PPM1H: variants seen among roughly 807,000 people sequenced by gnomAD.
PPM1H encodes protein phosphatase 1H.
In PPM1H, 27 loss-of-function variants were observed where a neutral mutation model predicts 54.9. That is an observed-to-expected ratio of 0.49 (90% CI 0.36 to 0.68). The LOEUF is 0.68. Ranked by LOEUF, PPM1H falls within the 30% of genes least tolerant of loss-of-function variation. The pLI is 0.00. For synonymous variants in PPM1H, 305 were observed against 270.8 expected (o/e 1.13, Z -1.24); for missense variants, 596 against 667.8 (o/e 0.89, Z 1.19).
chr12:62,861,814 A>G (rs996650495), intron 1 of PPM1H, among the ~76,000 whole-genome samples: 2 of 152,168 alleles, frequency 1.3e-5, no homozygotes, highest in Non-Finnish European at 2.9e-5. Flanking sequence ...TGTCCCTTCT[A>G]AAGGGGCAGC....
At chr12:62,666,208 G>T (rs1289336279) in intron 9 of PPM1H, among the ~76,000 whole-genome samples, 1 of 152,088 alleles carries the variant, frequency 6.6e-6, no homozygotes, top group Non-Finnish European at 1.5e-5. Context: ...CTCTCAAGCA[G>T]CTGAGACTAC....
At chr12:62,659,204 G>C in intron 9 of PPM1H, 1 of 641,728 alleles carries the variant, frequency 1.6e-6, no homozygotes, top group South Asian at 1.4e-5. Flanking sequence ...ATGCCAGGCT[G>C]TGCAGCGAAG....
At chr12:62,833,420 C>T (rs533063612) in intron 1 of PPM1H, among the ~76,000 whole-genome samples, 2 of 152,188 alleles carry the variant, frequency 1.3e-5, no homozygotes, top group South Asian at 4.2e-4. Flanking sequence ...AGTACAGAGT[C>T]CCATGTAGCT....
intron 1 of PPM1H, among the ~76,000 whole-genome samples, chr12:62,868,688 T>G (rs1869869909): frequency 6.6e-6 from 1 of 152,180 alleles, no homozygotes; most frequent in African/African-American, 2.4e-5. Context: ...GATGCATAAC[T>G]TGAGATACGG....
At chr12:62,899,349 C>G (rs1871089481) in intron 1 of PPM1H, among the ~76,000 whole-genome samples, 2 of 151,876 alleles carry the variant, frequency 1.3e-5, no homozygotes, top group Non-Finnish European at 2.9e-5. Flanking sequence ...GGTGGGAGGA[C>G]CACTTGAGGC....
chr12:62,784,096 T>A (rs2076657433), intron 4 of PPM1H, among the ~76,000 whole-genome samples: 1 of 152,168 alleles, frequency 6.6e-6, no homozygotes. Flanking sequence ...CCCTAGGTGT[T>A]GAGTTGGCTG....
At chr12:62,790,500 A>G (rs2076696216) in intron 3 of PPM1H, among the ~76,000 whole-genome samples, 1 of 152,212 alleles carries the variant, frequency 6.6e-6, no homozygotes, top group Non-Finnish European at 1.5e-5. Flanking sequence ...TGAGCCCAGG[A>G]GTTCGAGGCT....
chr12:62,821,965 T>C (rs535329992), intron 2 of PPM1H, among the ~76,000 whole-genome samples: 10 of 152,206 alleles, frequency 6.6e-5, no homozygotes, highest in South Asian at 6.2e-4. Flanking sequence ...ACTGGCAAAC[T>C]GGATAAAGAG....
intron 2 of PPM1H, among the ~76,000 whole-genome samples, chr12:62,831,776 C>T (rs11174683): frequency 6.8e-6 from 1 of 146,646 alleles, no homozygotes; most frequent in Admixed American, 6.8e-5. Context: ...TATATACACA[C>T]ATATATATAC....
chr12:62,764,596 A>G (rs115491894), intron 4 of PPM1H, among the ~76,000 whole-genome samples: 76 of 151,278 alleles, frequency 5.0e-4, no homozygotes, highest in African/African-American at 1.8e-3. Context: ...TTCCTCTCCC[A>G]TTTTGTTTTT....
chr12:62,812,440 C>T (rs534632898), intron 2 of PPM1H, among the ~76,000 whole-genome samples: 1 of 152,296 alleles, frequency 6.6e-6, no homozygotes, highest in African/African-American at 2.4e-5. Flanking sequence ...CAAGCCCCTT[C>T]CTGACTTACC....
chr12:62,918,628 T>C (rs2092203616), intron 1 of PPM1H, among the ~76,000 whole-genome samples: 1 of 152,228 alleles, frequency 6.6e-6, no homozygotes, highest in African/African-American at 2.4e-5. Flanking sequence ...AATGTCACTT[T>C]TCAAATTATA....
chr12:62,919,174 A>G (rs1441119065), intron 1 of PPM1H, among the ~76,000 whole-genome samples: 1 of 152,256 alleles, frequency 6.6e-6, no homozygotes, highest in African/African-American at 2.4e-5. Context: ...GGAAAGCAAG[A>G]AAATAAAACT....
intron 4 of PPM1H, among the ~76,000 whole-genome samples, chr12:62,757,681 T>C (rs1247169542): frequency 6.6e-6 from 1 of 152,194 alleles, no homozygotes; most frequent in Non-Finnish European, 1.5e-5. Context: ...GAAAGGCACT[T>C]CCTACCATAA....
chr12:62,854,712 T>G (rs1047012913), intron 1 of PPM1H, among the ~76,000 whole-genome samples: 4 of 139,834 alleles, frequency 2.9e-5, no homozygotes, highest in Admixed American at 1.5e-4. Flanking sequence ...AAGCTTTACT[T>G]TTATTTAACA....
intron 2 of PPM1H, among the ~76,000 whole-genome samples, chr12:62,814,890 G>A (rs575735855): frequency 6.6e-6 from 1 of 152,276 alleles, no homozygotes; most frequent in South Asian, 2.1e-4. Flanking sequence ...CTATATATGT[G>A]ATTATATGGT....
chr12:62,927,002 C>G (rs1295856066), intron 1 of PPM1H, among the ~76,000 whole-genome samples: 3 of 152,168 alleles, frequency 2.0e-5, no homozygotes, highest in East Asian at 1.9e-4. Flanking sequence ...TAATAAATAT[C>G]TATAACATAT....
chr12:62,877,929 G>A (rs1030948065), intron 1 of PPM1H, among the ~76,000 whole-genome samples: 1 of 152,114 alleles, frequency 6.6e-6, no homozygotes, highest in South Asian at 2.1e-4. Flanking sequence ...GCGGGGTCTC[G>A]CTCTATCGTC....
intron 6 of PPM1H, among the ~76,000 whole-genome samples, chr12:62,701,744 G>C (rs1457992581): frequency 6.7e-6 from 1 of 150,292 alleles, no homozygotes; most frequent in African/African-American, 2.5e-5. Context: ...TCTTCCCTTT[G>C]ATCCTGCCAT....
Sources: gnomAD v4.1 joint callset for allele counts (sites outside exome capture counted in the v4.1 genomes callset) on GRCh38, gnomAD v4.1.1 for gene constraint, MANE v1.5 for transcripts, NCBI Gene and HGNC (gene_info 2026-07-23, HGNC 2026-07-21) for gene names.